Variants in BTK observed in about 807,000 individuals in gnomAD.
BTK encodes tyrosine-protein kinase BTK.
A neutral mutation model predicts 57.4 loss-of-function variants in BTK; 5 were observed. The ratio of observed to expected loss-of-function variants is 0.09; its 90% confidence interval spans 0.05 to 0.18. The LOEUF (loss-of-function observed/expected upper bound fraction) is 0.18, where lower values mean the gene tolerates loss of function less well. Among genes scored for constraint, BTK ranks in the 10% least tolerant of loss-of-function variants. BTK has a pLI of 1.00. For missense variants in BTK, 194 were observed against 501.2 expected, an observed-to-expected ratio of 0.39 and a Z score of 5.85; for synonymous variants, 154 against 174.3, an observed-to-expected ratio of 0.88 and a Z score of 0.92.
intron 1 of BTK, among the ~76,000 whole-genome samples, chrX:101,380,740 C>T (rs56348811): frequency 0.095 from 10,485 of 110,080 alleles, 427 homozygotes; most frequent in African/African-American, 0.14. Context: ...TGGCCAGGTG[C>T]GGTAACTCAG....
At chrX:101,361,148 G>A (rs1366336729) in intron 7 of BTK, among the ~76,000 whole-genome samples, 2 of 109,828 alleles carry the variant, frequency 1.8e-5, no homozygotes, top group East Asian at 2.8e-4. Flanking sequence ...CCCAGGAGGC[G>A]GAGGTTGTAG....
intron 7 of BTK, 85 bp from the exon 8 acceptor site, chrX:101,360,840 G>A: frequency 1.0e-6 from 1 of 955,937 alleles, no homozygotes; most frequent in Non-Finnish European, 1.5e-6. Flanking sequence ...GCTTACTCAA[G>A]ACACCCAAAT....
At chrX:101,374,105 G>A (rs2147447175) in intron 3 of BTK, among the ~76,000 whole-genome samples, 1 of 111,070 alleles carries the variant, frequency 9.0e-6, no homozygotes, top group East Asian at 2.8e-4. Flanking sequence ...TTTTAAAAGT[G>A]AACTCAAAAA....
intron 1 of BTK, among the ~76,000 whole-genome samples, chrX:101,377,115 C>G (rs927820534): frequency 9.0e-6 from 1 of 111,303 alleles, no homozygotes; most frequent in Admixed American, 9.6e-5. Flanking sequence ...AAACCTTTCC[C>G]TCCACCCTGC....
chrX:101,357,938 T>C (rs3788763), intron 12 of BTK, among the ~76,000 whole-genome samples: 8 of 111,674 alleles, frequency 7.2e-5, no homozygotes, highest in African/African-American at 2.6e-4. Flanking sequence ...TTTCTTCTGA[T>C]GTTGTCTAAC....
At chrX:101,377,046 G>A (rs1927238012) in intron 1 of BTK, among the ~76,000 whole-genome samples, 1 of 111,033 alleles carries the variant, frequency 9.0e-6, no homozygotes, top group African/African-American at 3.3e-5. Flanking sequence ...CTATCTTCTG[G>A]AGGTGGATTA....
intron 12 of BTK, chrX:101,358,097 C>T (rs782258704): frequency 1.6e-5 from 9 of 549,721 alleles, no homozygotes; most frequent in Non-Finnish European, 2.8e-5. Context: ...TCTCTTAACA[C>T]TGAACATCAA....
In BTK at chrX:101,358,706, C is replaced by A; in HGVS notation, c.895-10G>T. ...AACCTCCTTCTTTCCCCTGAAACAA[C>A]GAAAAAGAAGCTGTCTGTAGGAGGA... is the stretch of plus-strand genomic sequence containing the variant. On this transcript the variant is annotated splice_polypyrimidine_tract_variant and intron_variant, in intron 10 of 18. Transcript: ENST00000308731. 8.3e-7 allele frequency: 1 copy of A among 1,199,093 alleles called. No individual in the cohort carries two copies. Among genetic ancestry groups the A allele is most frequent in the Non-Finnish European group, 1.1e-6 (1 of 884,223 alleles).
At position 101,349,711 on chromosome X, in the gene BTK, G is replaced by A; in HGVS notation, c.*174C>T. On this transcript the variant is annotated 3_prime_UTR_variant, in exon 19 of 19. Coordinates refer to ENST00000308731, the MANE Select transcript of BTK (RefSeq NM_000061.3). ...ATAATTTCTTGGCCTTTGCTCAGAAGCCACTATCCCAGGGAATCAAAGAAG... is the reference window on the plus strand; with the variant it reads ...ATAATTTCTTGGCCTTTGCTCAGAAACCACTATCCCAGGGAATCAAAGAAG... 1 of 468,254 alleles carries A rather than the reference G, an allele frequency of 2.1e-6. No homozygotes were observed. The highest frequency in any genetic ancestry group is 3.8e-6 in the Non-Finnish European group (1 of 263,092). 38.6% of individuals were successfully genotyped at this position (468,254 alleles called of 1,213,427 possible).
intron 5 of BTK, among the ~76,000 whole-genome samples, chrX:101,364,671 C>T (rs1555979237): frequency 9.1e-6 from 1 of 110,311 alleles, no homozygotes; most frequent in Non-Finnish European, 1.9e-5. Flanking sequence ...TCCTCTTCAC[C>T]AGTGTACCAA....
intron 4 of BTK, among the ~76,000 whole-genome samples, 156 bp from the exon 5 acceptor site, chrX:101,370,235 C>G (rs1321336337): frequency 8.9e-6 from 1 of 111,952 alleles, no homozygotes; most frequent in African/African-American, 3.2e-5. Context: ...GTTATGTGAA[C>G]TATCTGAAGG....
At chrX:101,389,366 G>A (rs782168284), upstream of BTK, among the ~76,000 whole-genome samples, 1 of 111,822 alleles carries the variant, frequency 8.9e-6, no homozygotes, top group Admixed American at 9.5e-5. Context: ...CCATGTTCAC[G>A]GTCTTCATAT....
chrX:101,384,373 AG>A (rs782576138), intron 1 of BTK, among the ~76,000 whole-genome samples: 4 of 111,983 alleles, frequency 3.6e-5, no homozygotes, highest in African/African-American at 6.5e-5. Context: ...CCAAGCAGGC[AG>A]ATCACCTGAG....
At chrX:101,350,639 G>A (rs1344973523) in intron 18 of BTK, among the ~76,000 whole-genome samples, 1 of 109,672 alleles carries the variant, frequency 9.1e-6, no homozygotes. Flanking sequence ...TATAGACCGG[G>A]TTTCACCATG....
At chrX:101,385,371 A>G (rs1927579959) in intron 1 of BTK, among the ~76,000 whole-genome samples, 1 of 111,416 alleles carries the variant, frequency 9.0e-6, no homozygotes, top group African/African-American at 3.3e-5. Flanking sequence ...AAGAGGAGAA[A>G]CCTTTGCCAC....
chrX:101,379,964 T>C (rs1387193551), intron 1 of BTK, among the ~76,000 whole-genome samples: 1 of 112,154 alleles, frequency 8.9e-6, no homozygotes, highest in Non-Finnish European at 1.9e-5. Flanking sequence ...GTCTAACTAG[T>C]GAATTTCTAG....
At chrX:101,385,254 A>G (rs1421608478) in intron 1 of BTK, among the ~76,000 whole-genome samples, 3 of 111,637 alleles carry the variant, frequency 2.7e-5, no homozygotes, top group African/African-American at 9.8e-5. Context: ...GGATATAGGT[A>G]GAGAAAAGAG....
At chrX:101,363,696 ACT>A (rs1926743537) in intron 5 of BTK, among the ~76,000 whole-genome samples, 1 of 101,484 alleles carries the variant, frequency 9.9e-6, no homozygotes, top group Non-Finnish European at 2.0e-5. Flanking sequence ...ACAGTGTGAG[ACT>A]CTGTCTCAAC....
chrX:101,377,435 A>T (rs1555981197), intron 1 of BTK, among the ~76,000 whole-genome samples: 2 of 111,720 alleles, frequency 1.8e-5, no homozygotes, highest in Non-Finnish European at 3.8e-5. Flanking sequence ...TAAATTGAGT[A>T]CTGTGACCAG....
Sources: gnomAD v4.1 joint callset for allele counts (sites outside exome capture counted in the v4.1 genomes callset) on GRCh38, gnomAD v4.1.1 for gene constraint, MANE v1.5 for transcripts, NCBI Gene and HGNC (gene_info 2026-07-23, HGNC 2026-07-21) for gene names.